Variants in PCCA observed in about 807,000 individuals in gnomAD.
The protein encoded by PCCA is propionyl-CoA carboxylase alpha chain, mitochondrial.
In PCCA, 74 loss-of-function variants were observed where a neutral mutation model predicts 101.3. The observed-to-expected ratio is 0.73, with a 90% CI of 0.61 to 0.89. The LOEUF is 0.89. PCCA is among the 40% of genes least tolerant of loss of function. PCCA has a pLI of 0.00. For synonymous variants in PCCA, 294 were observed against 313.6 expected (o/e 0.94, Z 0.66); for missense variants, 891 against 907.0 (o/e 0.98, Z 0.23).
chr13:100,214,602 G>C (rs1327596925), intron 7 of PCCA, among the ~76,000 whole-genome samples: 1 of 151,616 alleles, frequency 6.6e-6, no homozygotes, highest in Non-Finnish European at 1.5e-5. Context: ...TTTTTGCTTT[G>C]TTTTTAGTAG....
chr13:100,127,476 G>A (rs1217953519), intron 4 of PCCA, among the ~76,000 whole-genome samples: 2 of 152,208 alleles, frequency 1.3e-5, no homozygotes, highest in East Asian at 3.9e-4. Flanking sequence ...GGGAATTTAT[G>A]TATTTCAGTG....
chr13:100,335,390 T>C (rs1465908767), intron 17 of PCCA, among the ~76,000 whole-genome samples: 1 of 152,204 alleles, frequency 6.6e-6, no homozygotes, highest in African/African-American at 2.4e-5. Flanking sequence ...AAGATGATTC[T>C]TAACTGACTT....
At chr13:100,260,900 A>G (rs2062455561) in intron 9 of PCCA, among the ~76,000 whole-genome samples, 1 of 152,092 alleles carries the variant, frequency 6.6e-6, no homozygotes. Flanking sequence ...TTTAAAAAAA[A>G]AAAAAAGGAA....
intron 18 of PCCA, among the ~76,000 whole-genome samples, chr13:100,361,355 A>G (rs1024155347): frequency 6.6e-6 from 1 of 152,206 alleles, no homozygotes; most frequent in African/African-American, 2.4e-5. Flanking sequence ...AGATGTTCAT[A>G]ATAGAGGAAT....
chr13:100,370,010 C>A (rs779215949), intron 19 of PCCA, among the ~76,000 whole-genome samples: 34 of 136,170 alleles, frequency 2.5e-4, no homozygotes, highest in Middle Eastern at 7.9e-3. Flanking sequence ...ATACAATGTT[C>A]TTTTAAGTAG....
At chr13:100,181,203 T>G (rs986057401) in intron 6 of PCCA, among the ~76,000 whole-genome samples, 2 of 152,204 alleles carry the variant, frequency 1.3e-5, no homozygotes, top group African/African-American at 2.4e-5. Context: ...TGGAAGAATT[T>G]CTGTCTAAAA....
intron 20 of PCCA, among the ~76,000 whole-genome samples, chr13:100,448,345 A>G (rs1024359332): frequency 6.6e-6 from 1 of 152,094 alleles, no homozygotes; most frequent in African/African-American, 2.4e-5. Context: ...GGTGTGCACC[A>G]CCACGCCTGG....
At chr13:100,194,632 GC>G (rs1282875205) in intron 6 of PCCA, among the ~76,000 whole-genome samples, 1 of 152,022 alleles carries the variant, frequency 6.6e-6, no homozygotes, top group East Asian at 1.9e-4. Flanking sequence ...TATTGGCCAG[GC>G]TGGTCTCGAA....
intron 2 of PCCA, 127 bp downstream of exon 2, chr13:100,103,087 G>T (rs1408690728): frequency 1.5e-6 from 1 of 689,110 alleles, no homozygotes; most frequent in Non-Finnish European, 2.6e-6. Context: ...GATCACTCTA[G>T]CATTGTGTGT....
chr13:100,408,373 A>G (rs1250401133), intron 19 of PCCA, among the ~76,000 whole-genome samples: 1 of 152,228 alleles, frequency 6.6e-6, no homozygotes, highest in African/African-American at 2.4e-5. Context: ...CCACCTATTT[A>G]CATTTTGACA....
At chr13:100,113,987 A>C (rs2048563047) in intron 4 of PCCA, among the ~76,000 whole-genome samples, 1 of 152,158 alleles carries the variant, frequency 6.6e-6, no homozygotes, top group Non-Finnish European at 1.5e-5. Flanking sequence ...CTGTTTTTAA[A>C]GTTTTTTATT....
intron 7 of PCCA, among the ~76,000 whole-genome samples, chr13:100,214,478 G>A (rs1451326019): frequency 3.3e-5 from 5 of 151,520 alleles, no homozygotes; most frequent in African/African-American, 1.2e-4. Context: ...AGGCTGGAGT[G>A]CAGTGGTGCA....
chr13:100,410,383 C>T (rs961664133), intron 19 of PCCA, among the ~76,000 whole-genome samples: 2 of 152,122 alleles, frequency 1.3e-5, no homozygotes, highest in Non-Finnish European at 2.9e-5. Context: ...GCTGCGACTA[C>T]AGGTACATGC....
chr13:100,450,431 T>C (rs1374182589), intron 21 of PCCA, among the ~76,000 whole-genome samples: 1 of 152,144 alleles, frequency 6.6e-6, no homozygotes, highest in Non-Finnish European at 1.5e-5. Context: ...TTTTCATTTT[T>C]CTGTTTATTG....
At chr13:100,115,516 C>G (rs1388312646) in intron 4 of PCCA, among the ~76,000 whole-genome samples, 4 of 152,008 alleles carry the variant, frequency 2.6e-5, no homozygotes, top group South Asian at 2.1e-4. Flanking sequence ...ATGCTTGTAT[C>G]AAAATATTTC....
intron 21 of PCCA, among the ~76,000 whole-genome samples, chr13:100,455,358 C>T (rs1243858454): frequency 6.6e-6 from 1 of 152,182 alleles, no homozygotes; most frequent in Non-Finnish European, 1.5e-5. Flanking sequence ...ATCTTCCCGA[C>T]TTGTATCTAT....
At chr13:100,280,697 A>G (rs754537987) in intron 12 of PCCA, among the ~76,000 whole-genome samples, 8 of 152,182 alleles carry the variant, frequency 5.3e-5, no homozygotes, top group Non-Finnish European at 1.2e-4. Flanking sequence ...TTCCTTTCCA[A>G]AGTTTCAGCT....
chr13:100,093,996 A>T (rs76346779), intron 1 of PCCA, among the ~76,000 whole-genome samples: 6 of 152,176 alleles, frequency 3.9e-5, no homozygotes, highest in Non-Finnish European at 7.4e-5. Flanking sequence ...TGGGAGGCCG[A>T]GGCAGGCAGA....
At chr13:100,114,238 A>G (rs112191863) in intron 4 of PCCA, among the ~76,000 whole-genome samples, 7 of 152,286 alleles carry the variant, frequency 4.6e-5, no homozygotes, top group African/African-American at 1.4e-4. Context: ...ATGTATAAGG[A>G]GCTCAAACAA....
Sources: gnomAD v4.1 joint callset for allele counts (sites outside exome capture counted in the v4.1 genomes callset) on GRCh38, gnomAD v4.1.1 for gene constraint, MANE v1.5 for transcripts, NCBI Gene and HGNC (gene_info 2026-07-23, HGNC 2026-07-21) for gene names.